Variants in KIF1B observed in about 807,000 individuals in gnomAD.
KIF1B encodes the protein kinesin-like protein KIF1B.
A neutral mutation model predicts 241.9 loss-of-function variants in KIF1B; 76 were observed. That is an observed-to-expected ratio of 0.31 (90% CI 0.26 to 0.38). The LOEUF (loss-of-function observed/expected upper bound fraction) is 0.38, where lower values mean the gene tolerates loss of function less well. Among genes scored for constraint, KIF1B ranks in the 10% least tolerant of loss-of-function variants. The pLI, the probability that KIF1B is intolerant of heterozygous loss-of-function variation, is 1.00. For synonymous variants in KIF1B, 750 were observed against 796.7 expected (o/e 0.94, Z 0.99); for missense variants, 1,622 against 2,271.4 (o/e 0.71, Z 5.81).
chr1:10,277,748 G>A (rs1649193026), intron 12 of KIF1B, among the ~76,000 whole-genome samples: 1 of 152,192 alleles, frequency 6.6e-6, no homozygotes, highest in Non-Finnish European at 1.5e-5. Context: ...AGTCTCATAA[G>A]TTGGGTTTAA....
intron 22 of KIF1B, among the ~76,000 whole-genome samples, chr1:10,317,111 G>C (rs773030262): frequency 1.3e-5 from 2 of 151,482 alleles, no homozygotes; most frequent in Non-Finnish European, 2.9e-5. Context: ...GTAAGAAAAA[G>C]TGCCAGGACC....
intron 2 of KIF1B, among the ~76,000 whole-genome samples, chr1:10,251,034 C>T (rs961971532): frequency 6.6e-6 from 1 of 151,796 alleles, no homozygotes; most frequent in Non-Finnish European, 1.5e-5. Context: ...GGCATGATGG[C>T]GGGTGCCTGT....
chr1:10,334,652 T>C lies in KIF1B; in HGVS notation c.3043+14T>C. 1 of 1,588,978 alleles carries C rather than the reference T, an allele frequency of 6.3e-7. No homozygotes were observed. On this transcript the variant is annotated intron_variant, in intron 28 of 48. Transcript: ENST00000676179. Reference sequence around the variant, plus strand: ...AGGCCATCGCAGGTAGGTGACCCTCTTCTGAAATGAGAGCTGTGAGTTCTT... The same window carrying C: ...AGGCCATCGCAGGTAGGTGACCCTCCTCTGAAATGAGAGCTGTGAGTTCTT...
intron 23 of KIF1B, among the ~76,000 whole-genome samples, chr1:10,321,223 C>T (rs1442970631): frequency 6.6e-6 from 1 of 151,876 alleles, no homozygotes; most frequent in Non-Finnish European, 1.5e-5. Flanking sequence ...CATGCCTCAG[C>T]CTCCTGAGTA....
chr1:10,372,777 C>T (rs1406473804), intron 45 of KIF1B, among the ~76,000 whole-genome samples: 1 of 148,756 alleles, frequency 6.7e-6, no homozygotes, highest in Non-Finnish European at 1.5e-5. Flanking sequence ...CTACAGGTGC[C>T]CGCCACCACA....
chr1:10,276,663 C>G (rs2102222871), intron 12 of KIF1B, among the ~76,000 whole-genome samples: 1 of 152,140 alleles, frequency 6.6e-6, no homozygotes, highest in African/African-American at 2.4e-5. Flanking sequence ...GGAGCTTTTT[C>G]ATAGGAAAGA....
At chr1:10,370,518 C>T (rs759369290) in intron 44 of KIF1B, among the ~76,000 whole-genome samples, 1 of 151,616 alleles carries the variant, frequency 6.6e-6, no homozygotes, top group Admixed American at 6.6e-5. Flanking sequence ...GAGCCAACAT[C>T]GCACCACTGC....
intron 24 of KIF1B, among the ~76,000 whole-genome samples, 166 bp downstream of exon 24, chr1:10,322,023 G>C (rs1213685831): frequency 6.6e-6 from 1 of 152,164 alleles, no homozygotes; most frequent in African/African-American, 2.4e-5. Flanking sequence ...CTGGAACATA[G>C]TAGGTGCTAA....
chr1:10,381,222 AG>A lies in KIF1B; in HGVS notation c.*4636del. ...ATCGTCTTAGACTTTGTGGCTCTAA[AG>A]TACCTGTCTGTTGAGATTTCAAGTC... is the stretch of plus-strand genomic sequence containing the variant. On this transcript the variant is annotated 3_prime_UTR_variant, in exon 49 of 49. Transcript: ENST00000676179. 1 of 223,406 alleles carries A rather than the reference AG, an allele frequency of 4.5e-6. No homozygotes were observed. The highest frequency in any genetic ancestry group is 6.6e-5 in the East Asian group (1 of 15,260). 13.8% of individuals were successfully genotyped at this position (223,406 alleles called of 1,614,324 possible).
rs1427727123 is a variant in KIF1B at position 10,297,093 on chromosome 1, G to C, written c.2042+16G>C. On this transcript the variant is annotated intron_variant, in intron 21 of 48. Coordinates refer to ENST00000676179, the MANE Select transcript of KIF1B (RefSeq NM_001365951.3). ...TGGAGAAAAGGTAATGCACAGTTACGCAGCCCATATGACTGTTTCTTCTTT... is the reference window on the plus strand; with the variant it reads ...TGGAGAAAAGGTAATGCACAGTTACCCAGCCCATATGACTGTTTCTTCTTT... The C allele has an allele frequency of 3.1e-6, 5 of 1,613,538 alleles. No individual in the cohort carries two copies. The highest frequency in any genetic ancestry group is 1.7e-5 in the Admixed American group (1 of 59,986).
At chr1:10,281,505 A>G (rs949865618) in intron 14 of KIF1B, among the ~76,000 whole-genome samples, 2 of 152,204 alleles carry the variant, frequency 1.3e-5, no homozygotes, top group African/African-American at 4.8e-5. Context: ...TATACTAGGA[A>G]GCAGGCTTAG....
chr1:10,295,896 C>T, intron 19 of KIF1B, 130 bp downstream of exon 19: 1 of 814,500 alleles, frequency 1.2e-6, no homozygotes, highest in South Asian at 1.5e-5. Context: ...AATGGAGAGA[C>T]CTGGGCTGCT....
At chr1:10,263,824 C>T (rs1648293507) in intron 5 of KIF1B, among the ~76,000 whole-genome samples, 1 of 152,182 alleles carries the variant, frequency 6.6e-6, no homozygotes, top group Non-Finnish European at 1.5e-5. Flanking sequence ...CTAGTTGACA[C>T]TGTGGTTTCT....
chr1:10,264,800 T>A (rs1454716446), intron 5 of KIF1B, among the ~76,000 whole-genome samples: 7 of 151,698 alleles, frequency 4.6e-5, no homozygotes, highest in African/African-American at 1.7e-4. Flanking sequence ...AGGCTGGGAT[T>A]ACAGGCTCCT....
At chr1:10,301,268 A>T (rs147065298) in intron 22 of KIF1B, among the ~76,000 whole-genome samples, 4 of 152,366 alleles carry the variant, frequency 2.6e-5, no homozygotes, top group African/African-American at 9.6e-5. Flanking sequence ...CACAGTGAAT[A>T]AAAGATTGAC....
intron 22 of KIF1B, among the ~76,000 whole-genome samples, chr1:10,297,579 A>G (rs1258432880): frequency 6.6e-6 from 1 of 152,206 alleles, no homozygotes; most frequent in Non-Finnish European, 1.5e-5. Context: ...GGTTCTTTAA[A>G]TGATAATTAC....
chr1:10,311,505 T>C (rs1175667421), intron 22 of KIF1B, among the ~76,000 whole-genome samples: 1 of 151,218 alleles, frequency 6.6e-6, no homozygotes, highest in Non-Finnish European at 1.5e-5. Context: ...GAGCCACCGC[T>C]CCAGGCCCCA....
chr1:10,259,321 A>G (rs543803589), intron 4 of KIF1B, among the ~76,000 whole-genome samples: 14 of 151,892 alleles, frequency 9.2e-5, no homozygotes, highest in African/African-American at 3.1e-4. Flanking sequence ...TTCATTATTT[A>G]CTTATTTATT....
intron 41 of KIF1B, among the ~76,000 whole-genome samples, chr1:10,364,186 T>G (rs1351477890): frequency 6.6e-6 from 1 of 151,722 alleles, no homozygotes; most frequent in Non-Finnish European, 1.5e-5. Context: ...AATTTTTATT[T>G]TTAGGGACAG....
Sources: allele counts gnomAD v4.1 joint callset (sites outside exome capture counted in the v4.1 genomes callset), GRCh38; gene constraint gnomAD v4.1.1; transcripts MANE v1.5; gene names NCBI Gene and HGNC (gene_info 2026-07-23, HGNC 2026-07-21).